The following FBXO4 variants were observed in gnomAD, a reference collection of about 807,000 sequenced individuals.
The protein encoded by FBXO4 is F-box protein 4.
A neutral mutation model predicts 43.7 loss-of-function variants in FBXO4; 36 were observed. The ratio of observed to expected loss-of-function variants is 0.82; its 90% CI spans 0.63 to 1.09. The LOEUF is 1.09. FBXO4 is among the 50% of genes least tolerant of loss of function. The pLI, the probability that FBXO4 is intolerant of heterozygous loss-of-function variation, is 0.00. For synonymous variants in FBXO4, 180 were observed against 165.6 expected, an observed-to-expected ratio of 1.09 and a Z score of -0.67; for missense variants, 435 against 474.1, an observed-to-expected ratio of 0.92 and a Z score of 0.77.
At chr5:42,019,649 C>T in the FBXO4 span, among the ~76,000 whole-genome samples, 2 of 150,706 alleles carry the variant, frequency 1.3e-5, no homozygotes, top group South Asian at 4.2e-4. Context: ...TTCAAGATCA[C>T]ACCATGGCAC....
At chr5:42,008,791 C>T in the FBXO4 span, among the ~76,000 whole-genome samples, 1 of 152,094 alleles carries the variant, frequency 6.6e-6, no homozygotes, top group Non-Finnish European at 1.5e-5. Flanking sequence ...TTTCTAATTA[C>T]GTTTTATTGA....
intron 5 of FBXO4, chr5:41,934,543 A>G: frequency 1.5e-6 from 2 of 1,368,382 alleles, no homozygotes; most frequent in East Asian, 2.7e-5. Context: ...TTTTATTCCT[A>G]GATTTGGGTT....
At position 41,935,460 on chromosome 5, in the gene FBXO4, G is replaced by C. The variant is rs530146366; in HGVS notation, c.898+1152G>C. Among the ~76,000 whole-genome samples, 11 of 152,320 alleles carry C rather than the reference G, an allele frequency of 7.2e-5. No individual in the cohort carries two copies. In the East Asian group the frequency reaches 1.3e-3, roughly 19 times the overall value. ...CCAAAGTTGTTTTCCACAGACAAAA[G>C]TTGACTGCTGCTGTCTCAAGGGAGA... is the stretch of plus-strand genomic sequence containing the variant. On this transcript the variant is annotated intron_variant, in intron 5 of 6. Coordinates refer to ENST00000281623, the MANE Select transcript of FBXO4 (RefSeq NM_012176.3).
the FBXO4 span, among the ~76,000 whole-genome samples, chr5:41,961,288 A>T: frequency 7.2e-5 from 11 of 152,086 alleles, no homozygotes; most frequent in Non-Finnish European, 1.3e-4. Flanking sequence ...GGTCCTCCCA[A>T]TCTTTTTTTC....
intron 6 of FBXO4, 95 bp downstream of exon 6, chr5:41,939,711 G>A (rs1579987087): frequency 2.0e-6 from 2 of 1,006,476 alleles, no homozygotes; most frequent in Admixed American, 2.9e-5. Flanking sequence ...TAATGAAATG[G>A]CATTCTAAAG....
At chr5:41,997,391 C>G in the FBXO4 span, among the ~76,000 whole-genome samples, 12 of 152,322 alleles carry the variant, frequency 7.9e-5, no homozygotes, top group Admixed American at 7.8e-4. Context: ...CACAATCCCT[C>G]CAGGGATGGG....
At chr5:42,035,660 C>A in the FBXO4 span, among the ~76,000 whole-genome samples, 1 of 152,200 alleles carries the variant, frequency 6.6e-6, no homozygotes, top group East Asian at 1.9e-4. Context: ...TGTCTGCCAG[C>A]ATTCCTACAA....
the FBXO4 span, among the ~76,000 whole-genome samples, chr5:42,024,030 C>T: frequency 3.3e-5 from 5 of 151,932 alleles, no homozygotes; most frequent in Non-Finnish European, 7.4e-5. Context: ...CTTACTGGTC[C>T]CTTACATTTA....
the FBXO4 span, among the ~76,000 whole-genome samples, chr5:42,023,078 T>C: frequency 2.0e-5 from 3 of 152,082 alleles, no homozygotes; most frequent in Non-Finnish European, 4.4e-5. Flanking sequence ...CTCCATTGTC[T>C]GACTACGATA....
chr5:42,002,830 A>T, the FBXO4 span, among the ~76,000 whole-genome samples: 1 of 152,234 alleles, frequency 6.6e-6, no homozygotes, highest in Non-Finnish European at 1.5e-5. Context: ...ATAGGCTCAG[A>T]TAATATAAAT....
the FBXO4 span, among the ~76,000 whole-genome samples, chr5:42,033,278 A>G: frequency 9.2e-5 from 14 of 152,240 alleles, no homozygotes; most frequent in Admixed American, 9.2e-4. Context: ...CTCTTGTCCC[A>G]GTTCAACACT....
the FBXO4 span, among the ~76,000 whole-genome samples, chr5:42,004,407 G>T: frequency 6.6e-6 from 1 of 152,088 alleles, no homozygotes; most frequent in Non-Finnish European, 1.5e-5. Flanking sequence ...GAAGTACAAA[G>T]GTGGGTATAT....
chr5:41,938,054 C>G (rs997129557), intron 5 of FBXO4, among the ~76,000 whole-genome samples: 2 of 151,916 alleles, frequency 1.3e-5, no homozygotes, highest in Non-Finnish European at 2.9e-5. Flanking sequence ...AGGCAGAAGA[C>G]TATGATAACA....
the FBXO4 span, among the ~76,000 whole-genome samples, chr5:41,972,229 A>G: frequency 2.6e-5 from 4 of 152,118 alleles, no homozygotes; most frequent in African/African-American, 9.6e-5. Context: ...CTTAGAACTG[A>G]CAAATAACAT....
chr5:41,967,775 T>C, the FBXO4 span: 2 of 613,872 alleles, frequency 3.3e-6, no homozygotes, highest in South Asian at 1.4e-5. Context: ...CTCTCATCAA[T>C]GTGCTCTGGA....
At chr5:42,003,032 GT>G in the FBXO4 span, among the ~76,000 whole-genome samples, 3 of 152,148 alleles carry the variant, frequency 2.0e-5, no homozygotes, top group Admixed American at 2.0e-4. Context: ...AATTGGATAT[GT>G]TTTTGTAACG....
At chr5:42,026,332 T>G in the FBXO4 span, among the ~76,000 whole-genome samples, 1 of 151,854 alleles carries the variant, frequency 6.6e-6, no homozygotes, top group Non-Finnish European at 1.5e-5. Flanking sequence ...CATTTTCACA[T>G]TTTTCACTGT....
At chr5:41,947,739 CA>C in the FBXO4 span, among the ~76,000 whole-genome samples, 1 of 152,230 alleles carries the variant, frequency 6.6e-6, no homozygotes, top group Middle Eastern at 3.4e-3. Flanking sequence ...AGGCTGTGGT[CA>C]AAGTGAGAAA....
the FBXO4 span, among the ~76,000 whole-genome samples, chr5:41,989,574 C>T: frequency 6.6e-6 from 1 of 152,036 alleles, no homozygotes; most frequent in Non-Finnish European, 1.5e-5. Context: ...ATTGCAGATC[C>T]AATTAAACAG....
Sources: gnomAD v4.1 joint callset for allele counts (sites outside exome capture counted in the v4.1 genomes callset) on GRCh38, gnomAD v4.1.1 for gene constraint, MANE v1.5 for transcripts, NCBI Gene and HGNC (gene_info 2026-07-23, HGNC 2026-07-21) for gene names.